Variants in RNF180 observed in about 807,000 individuals in gnomAD.
RNF180 encodes the protein E3 ubiquitin-protein ligase RNF180.
RNF180 carries 38 observed loss-of-function variants against 59.2 expected under a neutral mutation model. That is an observed-to-expected ratio of 0.64 (90% CI 0.50 to 0.84). RNF180 has a LOEUF of 0.84. Ranked by LOEUF, RNF180 falls within the 40% of genes least tolerant of loss-of-function variation. The pLI is 0.00. For missense variants in RNF180, 705 were observed against 700.9 expected (o/e 1.01, Z -0.07); for synonymous variants, 262 against 240.3 (o/e 1.09, Z -0.84).
intron 2 of RNF180, among the ~76,000 whole-genome samples, chr5:64,206,372 A>G (rs1189351711): frequency 6.6e-6 from 1 of 152,212 alleles, no homozygotes; most frequent in African/African-American, 2.4e-5. Context: ...ACCATTGCCA[A>G]TGCAGTGGCT....
intron 1 of RNF180, among the ~76,000 whole-genome samples, chr5:64,181,215 T>C (rs1579940689): frequency 6.6e-6 from 1 of 152,172 alleles, no homozygotes; most frequent in East Asian, 1.9e-4. Context: ...CTGTCTGTCT[T>C]TCCCGGTCCA....
At chr5:64,193,667 T>G (rs1280045514) in intron 1 of RNF180, among the ~76,000 whole-genome samples, 3 of 152,196 alleles carry the variant, frequency 2.0e-5, no homozygotes, top group African/African-American at 7.2e-5. Context: ...ACATATAAAT[T>G]TATCTGTTAT....
chr5:64,171,347 C>T lies in RNF180; in HGVS notation c.-1+5394C>T, dbSNP rs1016643860. ...ACTTGAAATGGCATTCAGTATATAC[C>T]GCAGGTGTGAAGTACTACTTTTGGC... On this transcript the variant is annotated intron_variant, in intron 1 of 7. Transcript: ENST00000389100. Among the ~76,000 whole-genome samples, 5 of 152,016 alleles carry T rather than the reference C, an allele frequency of 3.3e-5. No homozygotes were observed. In the East Asian group the frequency reaches 7.7e-4, roughly 23 times the overall value.
intron 1 of RNF180, among the ~76,000 whole-genome samples, chr5:64,186,506 A>G (rs555737519): frequency 1.3e-5 from 2 of 152,212 alleles, no homozygotes; most frequent in Non-Finnish European, 2.9e-5. Flanking sequence ...GTTCTCTCCC[A>G]GTCAACTGGC....
At chr5:64,186,336 A>T (rs1750873830) in intron 1 of RNF180, among the ~76,000 whole-genome samples, 1 of 152,166 alleles carries the variant, frequency 6.6e-6, no homozygotes, top group African/African-American at 2.4e-5. Context: ...ACTTTATGTC[A>T]TATTAATATA....
intron 7 of RNF180, among the ~76,000 whole-genome samples, chr5:64,337,116 C>T (rs1699858015): frequency 6.6e-6 from 1 of 151,830 alleles, no homozygotes; most frequent in Non-Finnish European, 1.5e-5. Context: ...CCAATTCAGG[C>T]AATTCTCCCA....
chr5:64,178,778 G>C (rs1750401429), intron 1 of RNF180, among the ~76,000 whole-genome samples: 1 of 152,164 alleles, frequency 6.6e-6, no homozygotes, highest in African/African-American at 2.4e-5. Context: ...TAGGAAAACT[G>C]TACCTTCACC....
At chr5:64,319,515 GTTAT>G (rs1653870630) in intron 5 of RNF180, among the ~76,000 whole-genome samples, 1 of 152,164 alleles carries the variant, frequency 6.6e-6, no homozygotes, top group African/African-American at 2.4e-5. Context: ...CTAAGGTAGA[GTTAT>G]TTATACTATT....
chr5:64,257,812 T>G (rs1453434474), intron 5 of RNF180, among the ~76,000 whole-genome samples: 1 of 152,054 alleles, frequency 6.6e-6, no homozygotes, highest in African/African-American at 2.4e-5. Flanking sequence ...CACCCCACAG[T>G]CAACATTAGA....
At chr5:64,288,749 C>A (rs1265165102) in intron 5 of RNF180, among the ~76,000 whole-genome samples, 1 of 152,164 alleles carries the variant, frequency 6.6e-6, no homozygotes, top group Non-Finnish European at 1.5e-5. Flanking sequence ...ATTTTGTATC[C>A]TGAGACTTAG....
intron 7 of RNF180, among the ~76,000 whole-genome samples, chr5:64,346,123 C>T (rs187906669): frequency 6.6e-6 from 1 of 151,832 alleles, no homozygotes; most frequent in Non-Finnish European, 1.5e-5. Context: ...TAATCTTAAT[C>T]TAAAATTTCA....
chr5:64,231,489 G>A (rs1157133871), intron 5 of RNF180, among the ~76,000 whole-genome samples: 1 of 152,190 alleles, frequency 6.6e-6, no homozygotes, highest in Non-Finnish European at 1.5e-5. Context: ...CAAATTTAAT[G>A]AAAACTGGAT....
chr5:64,201,389 G>A (rs1217883032), intron 2 of RNF180, among the ~76,000 whole-genome samples: 2 of 152,050 alleles, frequency 1.3e-5, no homozygotes, highest in Non-Finnish European at 2.9e-5. Flanking sequence ...GTAACCCATA[G>A]GAAAACCTGA....
intron 1 of RNF180, among the ~76,000 whole-genome samples, chr5:64,190,502 G>A (rs770270282): frequency 4.6e-5 from 7 of 152,268 alleles, no homozygotes; most frequent in South Asian, 2.1e-4. Flanking sequence ...AGACTTTTGG[G>A]AGCTGTTGGG....
In RNF180 at chr5:64,214,265, T is replaced by C; in HGVS notation, c.939T>C (p.Gly313=). 6.2e-7 allele frequency: 1 copy of C among 1,614,006 alleles called. No homozygotes were observed. Among genetic ancestry groups the C allele is most frequent in the Non-Finnish European group, 8.5e-7 (1 of 1,179,996 alleles). ...AAAGAGGAGGAGAATTTCAGTGTGG[T>C]CTAGAAGCTGCTTCAGTGTATTCTG... ...QTQRGGEFQC[G]LEAASVYSDH... Residue 313 remains glycine, a synonymous_variant, in exon 4 of 8, where the codon GGT becomes GGC. Coordinates refer to ENST00000389100, the MANE Select transcript of RNF180 (RefSeq NM_001113561.2).
chr5:64,201,024 C>G, intron 2 of RNF180, 82 bp downstream of exon 2: 1 of 1,019,224 alleles, frequency 9.8e-7, no homozygotes, highest in East Asian at 2.5e-5. Flanking sequence ...ACTTATTCTT[C>G]TCTACCTTAT....
chr5:64,319,787 G>C (rs1744251542), intron 5 of RNF180, among the ~76,000 whole-genome samples: 1 of 152,174 alleles, frequency 6.6e-6, no homozygotes, highest in East Asian at 1.9e-4. Context: ...GATGCCTGCG[G>C]CCTTTTATTA....
At chr5:64,365,738 C>T (rs1399114438) in intron 7 of RNF180, among the ~76,000 whole-genome samples, 2 of 151,636 alleles carry the variant, frequency 1.3e-5, no homozygotes, top group Non-Finnish European at 3.0e-5. Flanking sequence ...TAATGCCCCT[C>T]TTTGTCTTTT....
At chr5:64,364,801 G>T (rs1349398870) in intron 7 of RNF180, among the ~76,000 whole-genome samples, 1 of 151,574 alleles carries the variant, frequency 6.6e-6, no homozygotes, top group Non-Finnish European at 1.5e-5. Context: ...TCTTGGGAGG[G>T]TATATGTGTC....
Sources: allele counts gnomAD v4.1 joint callset (sites outside exome capture counted in the v4.1 genomes callset), GRCh38; gene constraint gnomAD v4.1.1; transcripts MANE v1.5; gene names NCBI Gene and HGNC (gene_info 2026-07-23, HGNC 2026-07-21).